Variants in LRBA observed in about 807,000 individuals in gnomAD.
LRBA encodes the protein lipopolysaccharide-responsive and beige-like anchor protein.
Under a neutral mutation model 330.0 loss-of-function variants are expected in LRBA, and 176 were observed. The ratio of observed to expected loss-of-function variants is 0.53; its 90% confidence interval spans 0.47 to 0.60. The LOEUF (loss-of-function observed/expected upper bound fraction) is 0.60. Ranked by LOEUF, LRBA falls within the 20% of genes least tolerant of loss-of-function variation. The probability of loss-of-function intolerance (pLI) is 0.00; values close to 1 mark genes in which losing one functional copy is unlikely to be tolerated. For synonymous variants in LRBA, 1,230 were observed against 1,193.0 expected (o/e 1.03, Z -0.64); for missense variants, 3,259 against 3,444.8 (o/e 0.95, Z 1.35).
intron 56 of LRBA, among the ~76,000 whole-genome samples, chr4:150,275,149 C>A (rs554981601): frequency 1.3e-5 from 2 of 152,230 alleles, no homozygotes; most frequent in Non-Finnish European, 2.9e-5. Flanking sequence ...AAAAGTAATC[C>A]ATCACATAAA....
intron 40 of LRBA, among the ~76,000 whole-genome samples, chr4:150,557,536 A>G (rs1290538407): frequency 6.7e-6 from 1 of 150,214 alleles, no homozygotes; most frequent in Non-Finnish European, 1.5e-5. Context: ...AAGACACCAC[A>G]TTATATTTAG....
intron 35 of LRBA, among the ~76,000 whole-genome samples, chr4:150,740,668 T>G (rs1351822684): frequency 4.7e-5 from 7 of 147,850 alleles, no homozygotes; most frequent in African/African-American, 1.5e-4. Flanking sequence ...AAGTTAAAAC[T>G]TAAAGAAAAA....
At chr4:150,305,645 C>G (rs1287907178) in intron 52 of LRBA, among the ~76,000 whole-genome samples, 1 of 152,090 alleles carries the variant, frequency 6.6e-6, no homozygotes, top group Non-Finnish European at 1.5e-5. Flanking sequence ...CAAGATAGAA[C>G]AAATTTACAC....
chr4:150,366,550 T>G (rs954626579), intron 47 of LRBA, among the ~76,000 whole-genome samples: 1 of 152,158 alleles, frequency 6.6e-6, no homozygotes, highest in Non-Finnish European at 1.5e-5. Context: ...GAGTGGGGGC[T>G]GGTGGACAGT....
Position 151,014,861 on chromosome 4 carries a change from C to A in LRBA, c.-219G>T. The stretch of plus-strand genomic sequence containing the variant: ...CCCGAGGCTGACAACAACGCCAAAC[C>A]CTATTGGAAGATTAAATATATGTTA... On this transcript the variant is annotated splice_region_variant and 5_prime_UTR_variant, in exon 2 of 57. Coordinates refer to ENST00000651943, the MANE Select transcript of LRBA (RefSeq NM_001364905.1). 1.9e-6 allele frequency: 1 copy of A among 535,080 alleles called. No individual in the cohort carries two copies. The highest frequency in any genetic ancestry group is 3.3e-6 in the Non-Finnish European group (1 of 301,310). The allele number at this position is 535,080 out of a possible 1,614,324, so 33.1% of individuals were successfully genotyped here. A position where few individuals can be genotyped will look rare whatever the true frequency, so the allele number is the denominator to read the frequency against.
intron 36 of LRBA, among the ~76,000 whole-genome samples, chr4:150,715,067 T>G (rs752690624): frequency 6.6e-6 from 1 of 152,142 alleles, no homozygotes; most frequent in Admixed American, 6.6e-5. Context: ...AGGAAAAAAT[T>G]TCACTTACCA....
At chr4:150,449,632 C>A (rs1753106885) in intron 44 of LRBA, among the ~76,000 whole-genome samples, 2 of 151,720 alleles carry the variant, frequency 1.3e-5, no homozygotes, top group African/African-American at 4.8e-5. Flanking sequence ...CATCCACCAC[C>A]CAGGCCAAAT....
chr4:150,648,158 C>CAAA lies in LRBA; in HGVS notation c.5921+35390_5921+35392dup. Reference sequence around the variant, plus strand: ...TCAGAAGAGAAAGGAACACAAGTAGCAAAAAAAAAAAAAAAAAAACTAGAA... The same window carrying CAAA: ...TCAGAAGAGAAAGGAACACAAGTAGCAAAAAAAAAAAAAAAAAAAAAACTAGAA... On this transcript the variant is annotated intron_variant, in intron 37 of 56. Coordinates refer to ENST00000651943, the MANE Select transcript of LRBA (RefSeq NM_001364905.1). 6.6e-3 allele frequency among the ~76,000 whole-genome samples: 119 copies of CAAA among 18,116 alleles called. 16 individuals are homozygous for CAAA. Among genetic ancestry groups the CAAA allele is most frequent in the South Asian group, 0.031 (18 of 576 alleles). 11.9% of individuals were successfully genotyped at this position (18,116 alleles called of 152,430 possible). A position where few individuals can be genotyped will look rare whatever the true frequency, so the allele number is the denominator to read the frequency against.
intron 48 of LRBA, among the ~76,000 whole-genome samples, chr4:150,329,606 A>AT (rs11415998): frequency 0.022 from 3,327 of 151,900 alleles, 100 homozygotes; most frequent in African/African-American, 0.071. Context: ...TTTCTTGGAA[A>AT]TTTTTTCTAC....
At chr4:150,770,622 C>T (rs1560793535) in intron 34 of LRBA, among the ~76,000 whole-genome samples, 1 of 151,786 alleles carries the variant, frequency 6.6e-6, no homozygotes, top group Non-Finnish European at 1.5e-5. Flanking sequence ...CACATATACA[C>T]ACACAAAATA....
intron 37 of LRBA, among the ~76,000 whole-genome samples, chr4:150,646,808 C>T (rs1168425373): frequency 6.6e-6 from 1 of 151,996 alleles, no homozygotes; most frequent in African/African-American, 2.4e-5. Context: ...TTTTTGAGCA[C>T]AGACATAACA....
intron 37 of LRBA, among the ~76,000 whole-genome samples, chr4:150,618,074 C>A (rs1561430358): frequency 6.6e-6 from 1 of 152,032 alleles, no homozygotes; most frequent in Non-Finnish European, 1.5e-5. Flanking sequence ...TACTGCACAT[C>A]CAGCCTGGGT....
intron 48 of LRBA, among the ~76,000 whole-genome samples, chr4:150,328,673 G>GA (rs1733607041): frequency 6.6e-6 from 1 of 151,884 alleles, no homozygotes; most frequent in East Asian, 1.9e-4. Context: ...ACCTAGAGCA[G>GA]AACCTCAAGA....
At chr4:150,733,444 G>A (rs1033586477) in intron 36 of LRBA, among the ~76,000 whole-genome samples, 11 of 144,330 alleles carry the variant, frequency 7.6e-5, no homozygotes, top group South Asian at 6.2e-4. Context: ...AATAAATGTC[G>A]TAAAAATTTA....
intron 34 of LRBA, among the ~76,000 whole-genome samples, chr4:150,787,395 CGA>C (rs989649578): frequency 6.6e-4 from 101 of 152,018 alleles, no homozygotes; most frequent in African/African-American, 2.3e-3. Flanking sequence ...ATTTTTAACA[CGA>C]GATATAGAAA....
chr4:150,918,425 C>T (rs1340051315), intron 5 of LRBA, among the ~76,000 whole-genome samples: 1 of 152,130 alleles, frequency 6.6e-6, no homozygotes, highest in Non-Finnish European at 1.5e-5. Flanking sequence ...TCACTTCATA[C>T]CAACTAGGAT....
At chr4:150,396,023 T>G (rs139042749) in intron 47 of LRBA, among the ~76,000 whole-genome samples, 62 of 152,280 alleles carry the variant, frequency 4.1e-4, no homozygotes, top group African/African-American at 1.4e-3. Flanking sequence ...GATGCCCAGA[T>G]AGCTGGTAAG....
intron 2 of LRBA, among the ~76,000 whole-genome samples, chr4:150,979,017 T>C (rs781140664): frequency 6.6e-6 from 1 of 152,050 alleles, no homozygotes; most frequent in Non-Finnish European, 1.5e-5. Context: ...TAGAGAAAGA[T>C]ATCAATACTC....
chr4:150,272,001 T>C (rs1746182491), intron 56 of LRBA, among the ~76,000 whole-genome samples: 1 of 152,236 alleles, frequency 6.6e-6, no homozygotes, highest in Non-Finnish European at 1.5e-5. Flanking sequence ...GGACAGCATT[T>C]GAGCTCTGCT....
Sources: allele counts gnomAD v4.1 joint callset (sites outside exome capture counted in the v4.1 genomes callset), GRCh38; gene constraint gnomAD v4.1.1; transcripts MANE v1.5; gene names NCBI Gene and HGNC (gene_info 2026-07-23, HGNC 2026-07-21).